TET1: variants seen among roughly 807,000 people sequenced by gnomAD.
The protein encoded by TET1 is methylcytosine dioxygenase TET1.
In TET1, 13 loss-of-function variants were observed where a neutral mutation model predicts 148.7. The ratio of observed to expected loss-of-function variants is 0.09; its 90% CI spans 0.06 to 0.14. The LOEUF (loss-of-function observed/expected upper bound fraction) is 0.14. Ranked by LOEUF, TET1 falls within the 10% of genes least tolerant of loss-of-function variation. The pLI is 1.00. For synonymous variants in TET1, 907 were observed against 937.2 expected, an observed-to-expected ratio of 0.97 and a Z score of 0.59; for missense variants, 2,182 against 2,553.8, an observed-to-expected ratio of 0.85 and a Z score of 3.14.
At chr10:68,665,484 A>C (rs2133171323) in intron 6 of TET1, among the ~76,000 whole-genome samples, 1 of 152,246 alleles carries the variant, frequency 6.6e-6, no homozygotes, top group African/African-American at 2.4e-5. Context: ...TTTAATATTT[A>C]AGCAGTTTAT....
Position 68,691,661 on chromosome 10 carries a change from G to T in TET1, c.6258G>T (p.Gln2086His). The T allele has an allele frequency of 6.2e-7, 1 of 1,614,176 alleles. No homozygotes were observed. Among genetic ancestry groups the T allele is most frequent in the South Asian group, 1.1e-5 (1 of 91,076 alleles). The change falls in exon 12 of 12, where the codon CAG becomes CAT. Residue 2086 changes from glutamine (Q) to histidine (H), a missense_variant. Transcript: ENST00000373644. This position sits in a 1 kb window ranked among gnomAD's most constrained non-coding sequence, Gnocchi z 4.4. ...TGAAGGCCTCAGAGCAAAAAGACCA[G>T]GCAGCTAATGAAGGTCCAGAACAGT... Reference protein sequence around the residue: ...KKMKASEQKDQAANEGPEQSS... With the variant: ...KKMKASEQKDHAANEGPEQSS...
At chr10:68,615,283 CCT>C (rs905009376) in intron 3 of TET1, among the ~76,000 whole-genome samples, 3 of 151,636 alleles carry the variant, frequency 2.0e-5, no homozygotes, top group Non-Finnish European at 2.9e-5. Context: ...TCTTTTTTTT[CCT>C]CTCTCTCTCC....
intron 3 of TET1, among the ~76,000 whole-genome samples, chr10:68,623,256 A>G (rs2054402194): frequency 6.6e-6 from 1 of 152,212 alleles, no homozygotes; most frequent in African/African-American, 2.4e-5. Flanking sequence ...CTGTAAAAAA[A>G]GTGTTGTCCT....
At chr10:68,678,754 A>T (rs2055397782) in intron 8 of TET1, among the ~76,000 whole-genome samples, 1 of 152,212 alleles carries the variant, frequency 6.6e-6, no homozygotes, top group South Asian at 2.1e-4. Context: ...GAAGGAGTTA[A>T]TCTTGACCAC....
chr10:68,611,731 G>A (rs759377773), intron 3 of TET1, among the ~76,000 whole-genome samples: 1 of 142,790 alleles, frequency 7.0e-6, no homozygotes, highest in African/African-American at 2.6e-5. Flanking sequence ...AGGGAGTCTC[G>A]CTCTGTTGCC....
chr10:68,647,148 C>T, intron 4 of TET1, 143 bp downstream of exon 4: 1 of 940,246 alleles, frequency 1.1e-6, no homozygotes, highest in South Asian at 2.3e-5. Context: ...AAATCTATAA[C>T]CATTTTTCTG....
intron 1 of TET1, among the ~76,000 whole-genome samples, chr10:68,564,792 T>C (rs1199958544): frequency 6.6e-6 from 1 of 152,172 alleles, no homozygotes. Context: ...GGAGGATCAC[T>C]TGAGGCTAGG....
At chr10:68,658,870 G>GA (rs1227420269) in intron 6 of TET1, among the ~76,000 whole-genome samples, 2 of 151,112 alleles carry the variant, frequency 1.3e-5, no homozygotes, top group African/African-American at 2.4e-5. Flanking sequence ...CCTGTCTCAA[G>GA]AAAAAAACAA....
In TET1 at chr10:68,627,236, C is replaced by A. The variant is rs1004952210; in HGVS notation, c.1969-17462C>A. Among the ~76,000 whole-genome samples, 4 of 152,134 alleles carry A rather than the reference C, an allele frequency of 2.6e-5. No homozygotes were observed. The South Asian group carries it at 8.3e-4, about 32-fold the overall frequency. Reference sequence around the variant, plus strand: ...CAGCCTGGCCAACACGGTAAAACCCCGTCTCTACTAATAAAATACAAAAAT... The same window carrying A: ...CAGCCTGGCCAACACGGTAAAACCCAGTCTCTACTAATAAAATACAAAAAT... On this transcript the variant is annotated intron_variant, in intron 3 of 11. Transcript: ENST00000373644.
intron 2 of TET1, among the ~76,000 whole-genome samples, chr10:68,597,385 A>G (rs545061727): frequency 3.6e-4 from 55 of 152,234 alleles, no homozygotes; most frequent in Middle Eastern, 3.4e-3. Context: ...CCACTTTACT[A>G]AATATTGAAC....
chr10:68,573,580 C>T lies in TET1; in HGVS notation c.1242C>T (p.Asp414=), dbSNP rs1035210502. 4.3e-6 allele frequency: 7 copies of T among 1,614,200 alleles called. No homozygotes were observed. The highest frequency in any genetic ancestry group is 3.3e-4 in the Middle Eastern group (2 of 6,062). ...VQGEVFGTIL[D]QQETLGMSGS... is the part of the protein sequence containing the mutation. ...GAGAGGTCTTTGGTACTATTTTAGA[C>T]CAACAAGAAACTCTTGGTATGAGTG... is the stretch of plus-strand genomic sequence containing the variant. The change falls in exon 2 of 12, where the codon GAC becomes GAT. Residue 414 remains aspartate, a synonymous_variant. Transcript: ENST00000373644.
At chr10:68,594,618 AT>A (rs2053957177) in intron 2 of TET1, among the ~76,000 whole-genome samples, 1 of 152,116 alleles carries the variant, frequency 6.6e-6, no homozygotes. Flanking sequence ...TTCCAAGGAG[AT>A]TCTCCAGTGT....
intron 3 of TET1, among the ~76,000 whole-genome samples, chr10:68,634,533 A>C (rs867764375): frequency 6.6e-6 from 1 of 152,180 alleles, no homozygotes; most frequent in African/African-American, 2.4e-5. Context: ...TGAATTGTTA[A>C]TTTTAAAACA....
intron 3 of TET1, among the ~76,000 whole-genome samples, 154 bp downstream of exon 3, chr10:68,601,188 CT>C (rs572630973): frequency 1.3e-5 from 2 of 152,106 alleles, no homozygotes; most frequent in South Asian, 2.1e-4. Flanking sequence ...TTTTCTCTCT[CT>C]TTTTTTTGAT....
rs571335260 is a variant in TET1 at position 68,665,764 on chromosome 10, C to T, written c.4462-1281C>T. On this transcript the variant is annotated intron_variant, in intron 6 of 11. Coordinates refer to ENST00000373644, the MANE Select transcript of TET1 (RefSeq NM_030625.3). ...GTGTTATTATTTGGCTGTAAGAGGA[C>T]GTATAAATATAGAAAAAATTTTAAT... Among the ~76,000 whole-genome samples the T allele has an allele frequency of 9.2e-5, 14 of 151,688 alleles. No homozygotes were observed. In the South Asian group the frequency reaches 1.5e-3, roughly 16 times the overall value.
chr10:68,668,004 T>C (rs2055217060), intron 7 of TET1, among the ~76,000 whole-genome samples: 1 of 152,182 alleles, frequency 6.6e-6, no homozygotes, highest in Non-Finnish European at 1.5e-5. Context: ...ATGACATCAG[T>C]GTAATTTTGA....
chr10:68,627,890 CGCA>C (rs2054509949), intron 3 of TET1, among the ~76,000 whole-genome samples: 1 of 151,856 alleles, frequency 6.6e-6, no homozygotes, highest in Admixed American at 6.6e-5. Flanking sequence ...GAGCTGAGAT[CGCA>C]CCACTGCACT....
At chr10:68,571,639 C>G (rs982533436) in intron 1 of TET1, among the ~76,000 whole-genome samples, 33 of 152,002 alleles carry the variant, frequency 2.2e-4, no homozygotes, top group Admixed American at 4.6e-4. Flanking sequence ...ACCTCATGAT[C>G]CACCTGCCTT....
At chr10:68,577,006 T>C (rs1478172229) in intron 2 of TET1, among the ~76,000 whole-genome samples, 1 of 152,046 alleles carries the variant, frequency 6.6e-6, no homozygotes, top group Non-Finnish European at 1.5e-5. Flanking sequence ...CCTCCTGGGT[T>C]CACGCCATTC....
Sources: allele counts gnomAD v4.1 joint callset (sites outside exome capture counted in the v4.1 genomes callset), GRCh38; gene constraint gnomAD v4.1.1; non-coding constraint Gnocchi (gnomAD v3.1); transcripts MANE v1.5; gene names NCBI Gene and HGNC (gene_info 2026-07-23, HGNC 2026-07-21).